Variants in WDPCP observed in about 807,000 individuals in gnomAD.
The protein encoded by WDPCP is WD repeat-containing and planar cell polarity effector protein fritz homolog.
In WDPCP, 71 loss-of-function variants were observed where a neutral mutation model predicts 93.1. The ratio of observed to expected loss-of-function variants is 0.76; its 90% CI spans 0.63 to 0.93. The LOEUF is 0.93. WDPCP is among the 40% of genes least tolerant of loss of function. The pLI is 0.00. For missense variants in WDPCP, 844 were observed against 887.4 expected (o/e 0.95, Z 0.62); for synonymous variants, 315 against 315.0 (o/e 1.00, Z 0.00).
At chr2:63,536,073 A>C (rs1321909204) in intron 1 of WDPCP, among the ~76,000 whole-genome samples, 1 of 152,258 alleles carries the variant, frequency 6.6e-6, no homozygotes, top group Non-Finnish European at 1.5e-5. Flanking sequence ...GACACTTCTC[A>C]AAAGAAGACA....
rs149180802 is a variant in WDPCP, at chr2:63,336,588, A to T, written c.1749-23277T>A. Reference sequence around the variant, plus strand: ...TATTGAATGTGGTCACTTTTCCTGCATCAATTAAGATTATTGTATGGCTTT... The same window carrying T: ...TATTGAATGTGGTCACTTTTCCTGCTTCAATTAAGATTATTGTATGGCTTT... On this transcript the variant is annotated intron_variant, in intron 12 of 17. Transcript: ENST00000272321. Among the ~76,000 whole-genome samples the T allele has an allele frequency of 1.4e-3, 214 of 152,226 alleles. 2 individuals carry two copies. The highest frequency in any genetic ancestry group is 4.9e-3 in the African/African-American group (204 of 41,546).
At chr2:63,812,883 A>ATT (rs940141489) in intron 2 of WDPCP, among the ~76,000 whole-genome samples, 1 of 144,090 alleles carries the variant, frequency 6.9e-6, no homozygotes. Context: ...AAATCACTTT[A>ATT]TTTTTTTTTT....
intron 14 of WDPCP, among the ~76,000 whole-genome samples, chr2:63,234,329 C>CT (rs1679192942): frequency 6.6e-6 from 1 of 152,092 alleles, no homozygotes; most frequent in African/African-American, 2.4e-5. Context: ...TGGCTTGCAC[C>CT]TGTAATCCCA....
At chr2:63,131,566 G>A (rs142382640) in intron 17 of WDPCP, among the ~76,000 whole-genome samples, 142 of 152,038 alleles carry the variant, frequency 9.3e-4, no homozygotes, top group African/African-American at 2.9e-3. Flanking sequence ...TAATTTTATA[G>A]ATTCTATACA....
At chr2:63,177,795 C>CT (rs1673932123) in intron 14 of WDPCP, among the ~76,000 whole-genome samples, 1 of 151,982 alleles carries the variant, frequency 6.6e-6, no homozygotes. Context: ...TGTCTTGTTC[C>CT]TGATCCTAGA....
intron 3 of WDPCP, among the ~76,000 whole-genome samples, chr2:63,615,539 G>C (rs1478273628): frequency 1.3e-5 from 2 of 152,096 alleles, no homozygotes; most frequent in African/African-American, 4.8e-5. Flanking sequence ...TCATGCCCTA[G>C]GTAAATAAGA....
chr2:63,587,210 C>T (rs1013703970), intron 1 of WDPCP, among the ~76,000 whole-genome samples: 2 of 152,084 alleles, frequency 1.3e-5, no homozygotes, highest in African/African-American at 4.8e-5. Context: ...TTAAAAGTAG[C>T]ATTTGAAGTG....
At position 63,794,220 on chromosome 2, in the gene WDPCP, A is replaced by G. The variant is rs182842675; in HGVS notation, n.308+19402T>C. On this transcript the variant is annotated intron_variant and non_coding_transcript_variant, in intron 2 of 4. Coordinates refer to the WDPCP transcript ENST00000467687. ...GCTTCTACTTGTGTAGTAGACACTG[A>G]GGTCATCTCTTCAACATCTATTCCA... Among the ~76,000 whole-genome samples the G allele has an allele frequency of 8.8e-4, 134 of 152,308 alleles. No individual in the cohort carries two copies. In the Middle Eastern group the frequency reaches 0.031, roughly 35 times the overall value.
At chr2:63,253,149 G>T (rs906820175) in intron 14 of WDPCP, among the ~76,000 whole-genome samples, 1 of 152,010 alleles carries the variant, frequency 6.6e-6, no homozygotes, top group Non-Finnish European at 1.5e-5. Context: ...GTCAAGAAAA[G>T]AAGTTGGGAA....
chr2:63,693,244 T>G (rs1391299490), intron 2 of WDPCP, among the ~76,000 whole-genome samples: 1 of 152,092 alleles, frequency 6.6e-6, no homozygotes, highest in East Asian at 1.9e-4. Context: ...AAACTTTACA[T>G]TGGTAAGATG....
At chr2:63,516,974 G>C (rs967666090) in intron 1 of WDPCP, among the ~76,000 whole-genome samples, 1 of 151,932 alleles carries the variant, frequency 6.6e-6, no homozygotes, top group Non-Finnish European at 1.5e-5. Context: ...AGAAGTGAAA[G>C]AGAAAAAAAG....
the WDPCP span, among the ~76,000 whole-genome samples, chr2:63,838,694 A>G: frequency 6.6e-6 from 1 of 152,236 alleles, no homozygotes; most frequent in African/African-American, 2.4e-5. Context: ...ATCTTATGAA[A>G]AAAAGGATTA....
chr2:63,437,754 T>C (rs1697235007), intron 7 of WDPCP, 200 bp from the exon 8 acceptor site: 1 of 1,232,694 alleles, frequency 8.1e-7, no homozygotes, highest in East Asian at 2.5e-5. Context: ...ATATGTGATT[T>C]TTTTTCCTGT....
intron 1 of WDPCP, among the ~76,000 whole-genome samples, chr2:63,566,354 C>T (rs1323040334): frequency 6.6e-6 from 1 of 152,220 alleles, no homozygotes; most frequent in Non-Finnish European, 1.5e-5. Context: ...CTATCTGTGA[C>T]CTGGAAGCTC....
intron 1 of WDPCP, among the ~76,000 whole-genome samples, chr2:63,567,253 A>C (rs557582394): frequency 6.6e-6 from 1 of 151,750 alleles, no homozygotes; most frequent in African/African-American, 2.4e-5. Flanking sequence ...GAAAATTCAA[A>C]CCCTATCCTT....
chr2:63,306,968 G>A (rs551231265), intron 13 of WDPCP, among the ~76,000 whole-genome samples: 3 of 152,308 alleles, frequency 2.0e-5, no homozygotes, highest in South Asian at 2.1e-4. Context: ...GTTTGCAGAT[G>A]ACATGATTGT....
intron 1 of WDPCP, among the ~76,000 whole-genome samples, chr2:63,542,558 C>T (rs1704827214): frequency 1.3e-5 from 2 of 152,144 alleles, no homozygotes; most frequent in Non-Finnish European, 2.9e-5. Context: ...CCAACTATTA[C>T]AAAAATAGTG....
intron 6 of WDPCP, among the ~76,000 whole-genome samples, chr2:63,449,048 T>C (rs1467282794): frequency 6.6e-6 from 1 of 152,194 alleles, no homozygotes. Context: ...AGATGATGGA[T>C]ATGTTAACTA....
intron 2 of WDPCP, among the ~76,000 whole-genome samples, chr2:63,675,833 A>C (rs762611775): frequency 6.6e-6 from 1 of 152,200 alleles, no homozygotes; most frequent in Non-Finnish European, 1.5e-5. Flanking sequence ...TTTAAGTGTA[A>C]TGTAGTGATG....
Sources: gnomAD v4.1 joint callset for allele counts (sites outside exome capture counted in the v4.1 genomes callset) on GRCh38, gnomAD v4.1.1 for gene constraint, MANE v1.5 for transcripts, NCBI Gene and HGNC (gene_info 2026-07-23, HGNC 2026-07-21) for gene names.